DPYD: variants seen among roughly 807,000 people sequenced by gnomAD.
DPYD encodes the protein dihydropyrimidine dehydrogenase [NADP(+)].
In DPYD, 109 loss-of-function variants were observed where a neutral mutation model predicts 116.2. The ratio of observed to expected loss-of-function variants is 0.94; its 90% CI spans 0.80 to 1.10. The LOEUF is 1.10. Ranked by LOEUF, DPYD falls within the 50% of genes least tolerant of loss-of-function variation. The pLI is 0.00. For missense variants in DPYD, 1,302 were observed against 1,254.5 expected (o/e 1.04, Z -0.57); for synonymous variants, 440 against 432.0 (o/e 1.02, Z -0.23).
intron 5 of DPYD, among the ~76,000 whole-genome samples, chr1:97,709,370 A>G (rs1489728807): frequency 6.6e-6 from 1 of 151,770 alleles, no homozygotes; most frequent in Non-Finnish European, 1.5e-5. Context: ...TTACTTTTTA[A>G]TATTTTTACT....
intron 2 of DPYD, among the ~76,000 whole-genome samples, chr1:97,860,572 T>C (rs1671065820): frequency 6.6e-6 from 1 of 152,152 alleles, no homozygotes; most frequent in Non-Finnish European, 1.5e-5. Context: ...ATGAGGCACC[T>C]GAGTACTGGA....
intron 13 of DPYD, among the ~76,000 whole-genome samples, chr1:97,511,207 T>G (rs1647770647): frequency 6.6e-6 from 1 of 152,040 alleles, no homozygotes; most frequent in African/African-American, 2.4e-5. Context: ...TTTCTCAGAC[T>G]ATTATTTCAT....
At chr1:97,367,941 C>G (rs1485285402) in intron 16 of DPYD, among the ~76,000 whole-genome samples, 2 of 152,072 alleles carry the variant, frequency 1.3e-5, no homozygotes, top group Non-Finnish European at 2.9e-5. Flanking sequence ...TCTTTAAACC[C>G]TTTCACATAT....
intron 12 of DPYD, among the ~76,000 whole-genome samples, chr1:97,527,861 A>G (rs1372488338): frequency 6.7e-6 from 1 of 150,300 alleles, no homozygotes; most frequent in Non-Finnish European, 1.5e-5. Context: ...AGTGTTTGTT[A>G]TATTTGATTG....
intron 16 of DPYD, among the ~76,000 whole-genome samples, chr1:97,350,109 G>A (rs1024842372): frequency 2.0e-5 from 3 of 152,120 alleles, no homozygotes; most frequent in African/African-American, 4.8e-5. Flanking sequence ...TGTAGGCTGG[G>A]AAACAGATAG....
At chr1:97,810,088 C>T (rs1447636994) in intron 3 of DPYD, among the ~76,000 whole-genome samples, 1 of 151,810 alleles carries the variant, frequency 6.6e-6, no homozygotes, top group Non-Finnish European at 1.5e-5. Flanking sequence ...AGATCAAGAC[C>T]ATCCTGGCTA....
At chr1:97,771,982 TAGAAAAATAAGTAAA>T (rs1486192340) in intron 3 of DPYD, among the ~76,000 whole-genome samples, 1 of 152,194 alleles carries the variant, frequency 6.6e-6, no homozygotes, top group Non-Finnish European at 1.5e-5. Context: ...ATTTAGTAAG[TAGAAAAATAAGTAAA>T]AGGTATTAAT....
intron 18 of DPYD, chr1:97,295,861 C>T (rs1188952810): frequency 1.8e-6 from 1 of 555,426 alleles, no homozygotes; most frequent in Non-Finnish European, 2.3e-6. Context: ...TAGTGGTTTT[C>T]TCACAGAGTA....
At chr1:97,105,778 T>C (rs1651092960) in intron 20 of DPYD, among the ~76,000 whole-genome samples, 1 of 152,042 alleles carries the variant, frequency 6.6e-6, no homozygotes, top group Non-Finnish European at 1.5e-5. Flanking sequence ...CAATGAGCAA[T>C]TAATTCCAAC....
chr1:97,351,954 T>C (rs1339985945), intron 16 of DPYD, among the ~76,000 whole-genome samples: 3 of 152,162 alleles, frequency 2.0e-5, no homozygotes, highest in Non-Finnish European at 4.4e-5. Flanking sequence ...ACTGCAAGTA[T>C]TACAAAAATT....
chr1:97,682,239 G>A (rs1170865262), intron 7 of DPYD, among the ~76,000 whole-genome samples: 3 of 151,968 alleles, frequency 2.0e-5, no homozygotes, highest in Non-Finnish European at 4.4e-5. Context: ...CTGCAAAGAT[G>A]AGTATCTTGA....
intron 5 of DPYD, among the ~76,000 whole-genome samples, chr1:97,704,862 A>G (rs1338705360): frequency 6.6e-6 from 1 of 152,052 alleles, no homozygotes; most frequent in Non-Finnish European, 1.5e-5. Flanking sequence ...AATGAAATAA[A>G]CTTGTTAATA....
intron 22 of DPYD, among the ~76,000 whole-genome samples, chr1:97,081,193 T>G (rs1570423067): frequency 6.6e-6 from 1 of 151,986 alleles, no homozygotes; most frequent in Non-Finnish European, 1.5e-5. Flanking sequence ...AATCCCACCA[T>G]GAGCAGTATG....
intron 16 of DPYD, among the ~76,000 whole-genome samples, chr1:97,310,903 GA>G (rs1298407217): frequency 8.6e-5 from 13 of 151,654 alleles, no homozygotes; most frequent in African/African-American, 3.1e-4. Context: ...TCCACGCAAT[GA>G]AATATGATTC....
intron 19 of DPYD, among the ~76,000 whole-genome samples, chr1:97,195,285 C>T (rs1658669757): frequency 6.6e-6 from 1 of 151,274 alleles, no homozygotes; most frequent in Non-Finnish European, 1.5e-5. Context: ...CAATGGCAGC[C>T]AACAAAGAAA....
intron 1 of DPYD, among the ~76,000 whole-genome samples, chr1:97,910,140 T>TACTGTATA (rs1673862353): frequency 1.3e-5 from 2 of 152,108 alleles, no homozygotes; most frequent in Non-Finnish European, 2.9e-5. Context: ...TTGGTTTATT[T>TACTGTATA]TTACAAAAGC....
intron 8 of DPYD, among the ~76,000 whole-genome samples, chr1:97,658,527 C>T (rs1387207297): frequency 6.6e-6 from 1 of 151,934 alleles, no homozygotes; most frequent in Non-Finnish European, 1.5e-5. Context: ...TTTTAATGTT[C>T]TCATTAAAGT....
At chr1:97,269,862 T>C (rs953949343) in intron 18 of DPYD, among the ~76,000 whole-genome samples, 2 of 152,168 alleles carry the variant, frequency 1.3e-5, no homozygotes, top group Non-Finnish European at 1.5e-5. Flanking sequence ...ATATGAACTT[T>C]GGAGGGAGGG....
chr1:97,551,466 G>A (rs1011522374), intron 11 of DPYD, among the ~76,000 whole-genome samples: 1 of 152,010 alleles, frequency 6.6e-6, no homozygotes, highest in Non-Finnish European at 1.5e-5. Flanking sequence ...TATAAATAGT[G>A]GCAAGGGGTA....
Sources: gnomAD v4.1 joint callset for allele counts (sites outside exome capture counted in the v4.1 genomes callset) on GRCh38, gnomAD v4.1.1 for gene constraint, MANE v1.5 for transcripts, NCBI Gene and HGNC (gene_info 2026-07-23, HGNC 2026-07-21) for gene names.